USP13: variants seen among roughly 807,000 people sequenced by gnomAD.
USP13 encodes ubiquitin carboxyl-terminal hydrolase 13.
In USP13, 68 loss-of-function variants were observed where a neutral mutation model predicts 107.8. The ratio of observed to expected loss-of-function variants is 0.63; its 90% CI spans 0.52 to 0.77. The LOEUF (loss-of-function observed/expected upper bound fraction) is 0.77, where lower values mean the gene tolerates loss of function less well. Ranked by LOEUF, USP13 falls within the 30% of genes least tolerant of loss-of-function variation. USP13 has a pLI of 0.00. For missense variants in USP13, 945 were observed against 1,093.3 expected (o/e 0.86, Z 1.91); for synonymous variants, 377 against 389.5 (o/e 0.97, Z 0.38).
intron 8 of USP13, among the ~76,000 whole-genome samples, chr3:179,728,193 C>T (rs1281004311): frequency 1.4e-4 from 19 of 137,492 alleles, no homozygotes; most frequent in East Asian, 4.6e-4. Flanking sequence ...GCTGGCCTGG[C>T]GGGGGGCTGA....
At position 179,767,541 on chromosome 3, in the gene USP13, C is replaced by T. The variant is rs143905042; in HGVS notation, c.2413+1693C>T. 1.9e-3 allele frequency among the ~76,000 whole-genome samples: 293 copies of T among 152,106 alleles called. 4 individuals carry two copies. Among genetic ancestry groups the T allele is most frequent in the African/African-American group, 6.8e-3 (280 of 41,446 alleles). On this transcript the variant is annotated intron_variant, in intron 19 of 20. Coordinates refer to ENST00000263966, the MANE Select transcript of USP13 (RefSeq NM_003940.3). ...CCAGGTTCAAGCGATTCTCCTGCTT[C>T]AGCCTCCCGAGTAGCTGGAATTACA...
chr3:179,674,186 C>T (rs1205827089), intron 1 of USP13, among the ~76,000 whole-genome samples: 2 of 152,210 alleles, frequency 1.3e-5, no homozygotes, highest in African/African-American at 2.4e-5. Context: ...AGCCACTGCG[C>T]CCGGCCTGTT....
chr3:179,695,669 T>C (rs1398988423), intron 3 of USP13, among the ~76,000 whole-genome samples: 7 of 152,198 alleles, frequency 4.6e-5, no homozygotes, highest in Admixed American at 4.6e-4. Flanking sequence ...TGAGAAGTTA[T>C]AAAGGGCTCC....
intron 6 of USP13, 68 bp from the exon 7 acceptor site, chr3:179,719,872 A>G: frequency 7.0e-7 from 1 of 1,430,434 alleles, no homozygotes; most frequent in Non-Finnish European, 9.8e-7. Context: ...AGGAGTTCAA[A>G]AAATATGTGT....
intron 1 of USP13, among the ~76,000 whole-genome samples, chr3:179,670,618 C>T (rs4854942): frequency 0.78 from 118,083 of 152,144 alleles, 46,299 homozygotes; most frequent in East Asian, 0.88. Flanking sequence ...TCCTCAGCTA[C>T]AAATCTCAAG....
At chr3:179,702,075 C>T (rs1056219022) in intron 4 of USP13, among the ~76,000 whole-genome samples, 3 of 151,812 alleles carry the variant, frequency 2.0e-5, no homozygotes, top group African/African-American at 7.3e-5. Flanking sequence ...GCTGGAGTGC[C>T]GTGGCGCGAT....
rs1212629552 is a variant in USP13, at chr3:179,683,803, G to A, written c.294+1800G>A. 2.6e-5 allele frequency among the ~76,000 whole-genome samples: 4 copies of A among 152,106 alleles called. No homozygotes were observed. In the East Asian group the frequency reaches 5.8e-4, roughly 22 times the overall value. On this transcript the variant is annotated intron_variant, in intron 2 of 20. Transcript: ENST00000263966. ...AATTTTTATTTAAGTGTGTGTGAAC[G>A]TGACTGTTTTAACATTTTAGGTCTT...
At chr3:179,773,583 G>T (rs896232268) in intron 19 of USP13, among the ~76,000 whole-genome samples, 1 of 152,184 alleles carries the variant, frequency 6.6e-6, no homozygotes. Context: ...GCAAGATCAT[G>T]ACTTTCAGGT....
chr3:179,772,548 G>A (rs1394299967), intron 19 of USP13, among the ~76,000 whole-genome samples: 7 of 152,180 alleles, frequency 4.6e-5, no homozygotes, highest in Non-Finnish European at 7.3e-5. Flanking sequence ...GATCTAGGGG[G>A]CAAAAGGTAC....
chr3:179,761,556 T>C lies in USP13; in HGVS notation c.2092+301T>C, dbSNP rs1005028278. 8.5e-5 allele frequency among the ~76,000 whole-genome samples: 13 copies of C among 152,118 alleles called. No individual in the cohort carries two copies. In the East Asian group the frequency reaches 2.5e-3, roughly 29 times the overall value. Reference sequence around the variant, plus strand: ...GGCCAACATAGTGAAACCCCATCTCTACTAAAGATACAAAAATTAGCTGGG... The same window carrying C: ...GGCCAACATAGTGAAACCCCATCTCCACTAAAGATACAAAAATTAGCTGGG... On this transcript the variant is annotated intron_variant, in intron 17 of 20. Transcript: ENST00000263966.
chr3:179,724,055 G>A (rs1358060003), intron 8 of USP13, among the ~76,000 whole-genome samples: 2 of 152,048 alleles, frequency 1.3e-5, no homozygotes, highest in African/African-American at 2.4e-5. Context: ...AGCTACTCGG[G>A]AGGCTGAGGT....
At chr3:179,751,427 T>G (rs1714607139) in intron 13 of USP13, among the ~76,000 whole-genome samples, 1 of 152,186 alleles carries the variant, frequency 6.6e-6, no homozygotes, top group Non-Finnish European at 1.5e-5. Flanking sequence ...GGCCCTGGCA[T>G]TTCCAATAGT....
In USP13 at chr3:179,761,149, C is replaced by T. The variant is rs755921886; in HGVS notation, c.1986C>T (p.Ala662=). ...DIDESSVMQL[A]EMGFPLEACR... is the part of the protein sequence containing the mutation. ...ATGAGTCATCAGTGATGCAGCTGGCCGAGATGGGTTTCCCGCTGGAAGCAT... is the reference window on the plus strand; with the variant it reads ...ATGAGTCATCAGTGATGCAGCTGGCTGAGATGGGTTTCCCGCTGGAAGCAT... The change falls in exon 17 of 21, where the codon GCC becomes GCT. Residue 662 remains alanine, a synonymous_variant. Coordinates refer to ENST00000263966, the MANE Select transcript of USP13 (RefSeq NM_003940.3). 23 of 1,614,026 alleles carry T rather than the reference C, an allele frequency of 1.4e-5. No homozygotes were observed. The highest frequency in any genetic ancestry group is 4.0e-5 in the African/African-American group (3 of 74,908).
chr3:179,666,987 G>T (rs1249060802), intron 1 of USP13, among the ~76,000 whole-genome samples: 1 of 152,178 alleles, frequency 6.6e-6, no homozygotes, highest in Admixed American at 6.5e-5. Context: ...CTCTGTAGTA[G>T]TGCCTTACCT....
Position 179,761,107 on chromosome 3 carries a change from T to C in USP13, c.1949-5T>C. 1 of 1,614,224 alleles carries C rather than the reference T, an allele frequency of 6.2e-7. No individual in the cohort carries two copies. Among genetic ancestry groups the C allele is most frequent in the Non-Finnish European group, 8.5e-7 (1 of 1,180,028 alleles). Reference sequence around the variant, plus strand: ...CACACTAGAATATCCTGTTGTGCTCTGTAGCATCAGACATCGATGAGTCAT... The same window carrying C: ...CACACTAGAATATCCTGTTGTGCTCCGTAGCATCAGACATCGATGAGTCAT... On this transcript the variant is annotated splice_region_variant and splice_polypyrimidine_tract_variant and intron_variant, in intron 16 of 20. Coordinates refer to ENST00000263966, the MANE Select transcript of USP13 (RefSeq NM_003940.3).
rs771227859 is a variant in USP13 at position 179,745,002 on chromosome 3, T to G, written c.1535-41T>G. ...GAGGGTGCTTTTCATTTCCACAGGG[T>G]AAGAGCGATTGCAAGGTCTTTGATT... On this transcript the variant is annotated intron_variant, in intron 12 of 20. Coordinates refer to ENST00000263966, the MANE Select transcript of USP13 (RefSeq NM_003940.3). 2.5e-6 allele frequency: 4 copies of G among 1,611,484 alleles called. No individual in the cohort carries two copies. The South Asian group carries it at 4.4e-5, about 18-fold the overall frequency.
At chr3:179,720,149 A>G in intron 7 of USP13, 115 bp downstream of exon 7, 1 of 663,002 alleles carries the variant, frequency 1.5e-6, no homozygotes, top group Non-Finnish European at 2.3e-6. Context: ...TCTTCATTTT[A>G]TAGGTTTTAG....
intron 15 of USP13, among the ~76,000 whole-genome samples, 159 bp from the exon 16 acceptor site, chr3:179,756,893 G>A (rs906589480): frequency 3.3e-5 from 5 of 152,104 alleles, no homozygotes; most frequent in African/African-American, 1.2e-4. Flanking sequence ...TTATTACTGA[G>A]GCTGGGGTGG....
In USP13 at chr3:179,717,952, A is replaced by G. The variant is rs892335918; in HGVS notation, c.806-1988A>G. Among the ~76,000 whole-genome samples the G allele has an allele frequency of 1.0e-2, 276 of 27,738 alleles. 1 individual carries two copies. The highest frequency in any genetic ancestry group is 0.022 in the Non-Finnish European group (173 of 7,910). 18.2% of individuals were successfully genotyped at this position (27,738 alleles called of 152,430 possible). A position where few individuals can be genotyped will look rare whatever the true frequency, so the allele number is the denominator to read the frequency against. ...CAACTACACAATGTTTAACTTATTA[A>G]TAATAGACTGAATTTCTTTGGGGAG... On this transcript the variant is annotated intron_variant, in intron 6 of 20. Coordinates refer to ENST00000263966, the MANE Select transcript of USP13 (RefSeq NM_003940.3).
Sources: gnomAD v4.1 joint callset for allele counts (sites outside exome capture counted in the v4.1 genomes callset) on GRCh38, gnomAD v4.1.1 for gene constraint, MANE v1.5 for transcripts, NCBI Gene and HGNC (gene_info 2026-07-23, HGNC 2026-07-21) for gene names.